Variants in NTMT1 observed in about 807,000 individuals in gnomAD.
NTMT1 encodes N-terminal Xaa-Pro-Lys N-methyltransferase 1.
NTMT1 carries 8 observed loss-of-function variants against 17.5 expected under a neutral mutation model. The ratio of observed to expected loss-of-function variants is 0.46; its 90% CI spans 0.27 to 0.82. The LOEUF is 0.82. Ranked by LOEUF, NTMT1 falls within the 40% of genes least tolerant of loss-of-function variation. NTMT1 has a pLI of 0.15. For synonymous variants in NTMT1, 128 were observed against 126.8 expected (o/e 1.01, Z -0.06); for missense variants, 221 against 303.5 (o/e 0.73, Z 2.02).
Position 129,620,062 on chromosome 9 carries a change from C to T in NTMT1, c.-55+10884C>T, listed in dbSNP as rs1830603013. On this transcript the variant is annotated intron_variant, in intron 1 of 3. Coordinates refer to the NTMT1 transcript ENST00000372486. The surrounding 1 kb of genome is among the most constrained non-coding windows in gnomAD (Gnocchi z 5.8). ...GCCCGCCCCCCGGGCCCCGCGGGGC[C>T]TCACTCAGTGGCTCCGGCTCCTCGG... 6.9e-7 allele frequency: 1 copy of T among 1,453,960 alleles called. No individual in the cohort carries two copies. The highest frequency in any genetic ancestry group is 1.5e-5 in the South Asian group (1 of 68,314). The allele number at this position is 1,453,960 out of a possible 1,614,324, so 90.1% of individuals were successfully genotyped here. A position where few individuals can be genotyped will look rare whatever the true frequency, so the allele number is the denominator to read the frequency against.
upstream of NTMT1, among the ~76,000 whole-genome samples, chr9:129,622,143 C>T (rs192059528): frequency 3.3e-4 from 51 of 152,312 alleles, no homozygotes; most frequent in Non-Finnish European, 6.3e-4. Context: ...CTGGGTGGCT[C>T]TGGAAGTAGA....
At chr9:129,612,626 C>T (rs1277771140) in intron 1 of NTMT1, among the ~76,000 whole-genome samples, 1 of 152,176 alleles carries the variant, frequency 6.6e-6, no homozygotes, top group Non-Finnish European at 1.5e-5. Flanking sequence ...GCCTGTAATC[C>T]CAGCAGTTTG....
upstream of NTMT1, among the ~76,000 whole-genome samples, chr9:129,622,784 T>C (rs1174780977): frequency 6.6e-6 from 1 of 151,946 alleles, no homozygotes; most frequent in Non-Finnish European, 1.5e-5. Flanking sequence ...TCCTAACACT[T>C]TGGGAGACCG....
chr9:129,615,643 G>T, intron 1 of NTMT1: 1 of 1,558,296 alleles, frequency 6.4e-7, no homozygotes, highest in Non-Finnish European at 8.6e-7. Flanking sequence ...GCACCGTGGG[G>T]CCTGCTGAGA....
In NTMT1 at chr9:129,620,015, C is replaced by A; in HGVS notation, c.-55+10837C>A. 2 of 1,453,748 alleles carry A rather than the reference C, an allele frequency of 1.4e-6. No homozygotes were observed. Among genetic ancestry groups the A allele is most frequent in the African/African-American group, 1.4e-5 (1 of 70,196 alleles). 90.1% of individuals were successfully genotyped at this position (1,453,748 alleles called of 1,614,324 possible). On this transcript the variant is annotated intron_variant, in intron 1 of 3. Transcript: ENST00000372486. The surrounding 1 kb of genome is among the most constrained non-coding windows in gnomAD (Gnocchi z 5.8). ...GTGGGTGCGGGGACACAAGGGACCACCCCCCACCGGAAATGACTCGGGCCC... is the reference window on the plus strand; with the variant it reads ...GTGGGTGCGGGGACACAAGGGACCAACCCCCACCGGAAATGACTCGGGCCC...
chr9:129,613,531 C>T lies in NTMT1; in HGVS notation c.-55+4353C>T. The T allele has an allele frequency of 6.2e-7, 1 of 1,614,218 alleles. No individual in the cohort carries two copies. Among genetic ancestry groups the T allele is most frequent in the Non-Finnish European group, 8.5e-7 (1 of 1,180,026 alleles). ...CAAACTCTCCAGCCGTTTTCCGACA[C>T]TCCCAAACACCCGCTCGGACGCCAC... On this transcript the variant is annotated intron_variant, in intron 1 of 3. Coordinates refer to the NTMT1 transcript ENST00000372486. This position sits in a 1 kb window ranked among gnomAD's most constrained non-coding sequence, Gnocchi z 6.2.
upstream of NTMT1, among the ~76,000 whole-genome samples, chr9:129,625,065 CT>C (rs1179382100): frequency 6.6e-6 from 1 of 152,222 alleles, no homozygotes; most frequent in African/African-American, 2.4e-5. Context: ...AAGTTTAACC[CT>C]CTCAGAGCAT....
At chr9:129,619,636 C>T (rs376323014) in intron 1 of NTMT1, 4 of 1,613,836 alleles carry the variant, frequency 2.5e-6, no homozygotes, top group Non-Finnish European at 3.4e-6. Context: ...ATGACTGGCC[C>T]CTTAAAGACA....
intron 1 of NTMT1, chr9:129,619,536 C>T: frequency 6.2e-7 from 1 of 1,613,676 alleles, no homozygotes; most frequent in Non-Finnish European, 8.5e-7. Context: ...GCCTTTCTGA[C>T]AGTGGTGAAT....
chr9:129,609,629 G>A (rs1020124836), intron 1 of NTMT1, among the ~76,000 whole-genome samples: 3 of 151,774 alleles, frequency 2.0e-5, no homozygotes, highest in Non-Finnish European at 4.4e-5. Flanking sequence ...CCCTGGGGAG[G>A]CCCCCAATCT....
At position 129,613,541 on chromosome 9, in the gene NTMT1, C is replaced by G. The variant is rs1177599240; in HGVS notation, c.-55+4363C>G. 3 of 1,614,204 alleles carry G rather than the reference C, an allele frequency of 1.9e-6. No individual in the cohort carries two copies. The South Asian group carries it at 3.3e-5, about 18-fold the overall frequency. ...AGCCGTTTTCCGACACTCCCAAACA[C>G]CCGCTCGGACGCCACTGGCAGGGCG... On this transcript the variant is annotated intron_variant, in intron 1 of 3. Coordinates refer to the NTMT1 transcript ENST00000372486. This position sits in a 1 kb window ranked among gnomAD's most constrained non-coding sequence, Gnocchi z 6.2.
At chr9:129,622,632 T>C (rs547558169), upstream of NTMT1, among the ~76,000 whole-genome samples, 1 of 152,282 alleles carries the variant, frequency 6.6e-6, no homozygotes, top group South Asian at 2.1e-4. Flanking sequence ...TATAAATATT[T>C]CTATAGGTAA....
At chr9:129,625,431 C>T (rs2118912325), upstream of NTMT1, among the ~76,000 whole-genome samples, 1 of 152,284 alleles carries the variant, frequency 6.6e-6, no homozygotes, top group South Asian at 2.1e-4. Flanking sequence ...GCCCGCACAA[C>T]ACACTCGTTT....
upstream of NTMT1, among the ~76,000 whole-genome samples, chr9:129,625,179 A>G (rs1362839917): frequency 6.6e-6 from 1 of 152,192 alleles, no homozygotes; most frequent in East Asian, 1.9e-4. Flanking sequence ...TCCCGTTTCC[A>G]TCACCGCTGC....
At chr9:129,630,048 C>CT (rs1564346330) in intron 1 of NTMT1, among the ~76,000 whole-genome samples, 1 of 152,252 alleles carries the variant, frequency 6.6e-6, no homozygotes, top group East Asian at 1.9e-4. Flanking sequence ...CCCGTTGCAT[C>CT]TGTTAGAAGT....
chr9:129,635,672 G>C lies in NTMT1; in HGVS notation c.*208G>C. On this transcript the variant is annotated 3_prime_UTR_variant, in exon 4 of 4. Transcript: ENST00000372483. ...GTGCTGCTGAACCAGCGGTGAGGCA[G>C]GAGCCCAGACCCTGCTCTCCTGCGA... 1.6e-6 allele frequency: 1 copy of C among 618,810 alleles called. No individual in the cohort carries two copies. Among genetic ancestry groups the C allele is most frequent in the Non-Finnish European group, 2.8e-6 (1 of 356,782 alleles). 38.3% of individuals were successfully genotyped at this position (618,810 alleles called of 1,614,324 possible).
upstream of NTMT1, among the ~76,000 whole-genome samples, chr9:129,623,442 C>T (rs1342404986): frequency 6.6e-6 from 1 of 152,184 alleles, no homozygotes; most frequent in Non-Finnish European, 1.5e-5. Context: ...GAAGTGTCTT[C>T]TTTCTCAGGA....
At chr9:129,627,511 A>C (rs1256992218) in intron 1 of NTMT1, among the ~76,000 whole-genome samples, 1 of 152,232 alleles carries the variant, frequency 6.6e-6, no homozygotes, top group African/African-American at 2.4e-5. Flanking sequence ...TTTCATATGC[A>C]CTTTTAATCA....
chr9:129,619,705 A>G (rs1286000401), intron 1 of NTMT1: 1 of 1,612,630 alleles, frequency 6.2e-7, no homozygotes, highest in African/African-American at 1.3e-5. Flanking sequence ...ATCGATGGCA[A>G]CCCCGTCCCC....
Sources: allele counts gnomAD v4.1 joint callset (sites outside exome capture counted in the v4.1 genomes callset), GRCh38; gene constraint gnomAD v4.1.1; non-coding constraint Gnocchi (gnomAD v3.1); transcripts MANE v1.5; gene names NCBI Gene and HGNC (gene_info 2026-07-23, HGNC 2026-07-21).